EFNA5: variants seen among roughly 807,000 people sequenced by gnomAD.
EFNA5 encodes ephrin A5.
A neutral mutation model predicts 22.9 loss-of-function variants in EFNA5; 5 were observed. That is an observed-to-expected ratio of 0.22 (90% CI 0.11 to 0.46). The LOEUF is 0.46. Ranked by LOEUF, EFNA5 falls within the 20% of genes least tolerant of loss-of-function variation. The probability of loss-of-function intolerance (pLI) is 0.99; values close to 1 mark genes in which losing one functional copy is unlikely to be tolerated. For missense variants in EFNA5, 237 were observed against 293.3 expected, an observed-to-expected ratio of 0.81 and a Z score of 1.40; for synonymous variants, 113 against 112.2, an observed-to-expected ratio of 1.01 and a Z score of -0.04.
At chr5:107,467,900 C>A (rs938569423) in intron 1 of EFNA5, among the ~76,000 whole-genome samples, 1 of 152,162 alleles carries the variant, frequency 6.6e-6, no homozygotes, top group Non-Finnish European at 1.5e-5. Context: ...AGGCTACATA[C>A]ATGTGGACAT....
chr5:107,604,402 G>A (rs1011799482), intron 1 of EFNA5, among the ~76,000 whole-genome samples: 2 of 152,026 alleles, frequency 1.3e-5, no homozygotes, highest in Non-Finnish European at 2.9e-5. Flanking sequence ...GAGCACATTG[G>A]TTGTGTGGCT....
At chr5:107,428,312 T>C (rs1748858974) in intron 1 of EFNA5, among the ~76,000 whole-genome samples, 1 of 152,228 alleles carries the variant, frequency 6.6e-6, no homozygotes. Context: ...ACAGGTCATG[T>C]TCTAGAGCTG....
chr5:107,403,640 C>T (rs916674505), intron 2 of EFNA5, among the ~76,000 whole-genome samples: 1 of 152,102 alleles, frequency 6.6e-6, no homozygotes, highest in African/African-American at 2.4e-5. Context: ...TGTCCTTTGC[C>T]GCATATTGAA....
At position 107,536,934 on chromosome 5, in the gene EFNA5, G is replaced by A. The variant is rs141380504; in HGVS notation, c.126-109425C>T. 5.8e-3 allele frequency among the ~76,000 whole-genome samples: 888 copies of A among 151,958 alleles called. 9 individuals carry two copies. Among genetic ancestry groups the A allele is most frequent in the South Asian group, 0.013 (62 of 4,800 alleles). On this transcript the variant is annotated intron_variant, in intron 1 of 4. Transcript: ENST00000333274. ...ATCCTGACTAATATGGTGAAACCCT[G>A]TCTCTACTAACAATATAAAAATTAG... is the stretch of plus-strand genomic sequence containing the variant.
At chr5:107,506,322 C>T (rs1158220566) in intron 1 of EFNA5, 1 of 152,130 alleles carries the variant, frequency 6.6e-6, no homozygotes, top group African/African-American at 2.4e-5. Context: ...AGTAAACATC[C>T]AGTAGAGTAA....
intron 1 of EFNA5, among the ~76,000 whole-genome samples, chr5:107,532,337 T>C (rs979030779): frequency 1.3e-5 from 2 of 152,200 alleles, no homozygotes; most frequent in African/African-American, 4.8e-5. Flanking sequence ...ATGACCTCAT[T>C]AATAGTTAAA....
At chr5:107,605,982 C>A (rs1028768796) in intron 1 of EFNA5, among the ~76,000 whole-genome samples, 4 of 152,178 alleles carry the variant, frequency 2.6e-5, no homozygotes, top group Admixed American at 6.5e-5. Context: ...TCACTCAGGT[C>A]ACTTCAAGGT....
chr5:107,616,703 G>A (rs1213512177), intron 1 of EFNA5, among the ~76,000 whole-genome samples: 10 of 152,112 alleles, frequency 6.6e-5, no homozygotes, highest in Non-Finnish European at 1.5e-4. Context: ...ATTATAACAA[G>A]TATCTGAACA....
chr5:107,394,128 T>A (rs1747858024), intron 2 of EFNA5, among the ~76,000 whole-genome samples: 1 of 152,218 alleles, frequency 6.6e-6, no homozygotes, highest in South Asian at 2.1e-4. Flanking sequence ...ATGAAATACA[T>A]CTCACTCATT....
rs541175032 is a variant in EFNA5, at chr5:107,449,166, A to G, written c.126-21657T>C. The stretch of plus-strand genomic sequence containing the variant: ...ACTGAATTATTTCAGAAGCCAAATG[A>G]TACGATTTAGTGGAACACTGAGACT... On this transcript the variant is annotated intron_variant, in intron 1 of 4. Coordinates refer to ENST00000333274, the MANE Select transcript of EFNA5 (RefSeq NM_001962.3). Among the ~76,000 whole-genome samples, 173 of 152,294 alleles carry G rather than the reference A, an allele frequency of 1.1e-3. 1 individual carries two copies. The highest frequency in any genetic ancestry group is 3.3e-3 in the African/African-American group (137 of 41,558).
At chr5:107,531,246 T>C (rs542392947) in intron 1 of EFNA5, among the ~76,000 whole-genome samples, 412 of 152,290 alleles carry the variant, frequency 2.7e-3, no homozygotes, top group Non-Finnish European at 4.9e-3. Flanking sequence ...AAGCCCTAGG[T>C]AGACTTAGCT....
intron 1 of EFNA5, among the ~76,000 whole-genome samples, chr5:107,597,797 AT>A (rs2112509495): frequency 6.6e-6 from 1 of 152,256 alleles, no homozygotes; most frequent in South Asian, 2.1e-4. Flanking sequence ...TATATATTCA[AT>A]TTTTACAAGC....
At chr5:107,647,311 G>A (rs1750647935) in intron 1 of EFNA5, among the ~76,000 whole-genome samples, 1 of 151,534 alleles carries the variant, frequency 6.6e-6, no homozygotes, top group African/African-American at 2.4e-5. Flanking sequence ...ATGCATCGTG[G>A]GTATAACTGT....
At chr5:107,569,415 TTATG>T (rs1400235171) in intron 1 of EFNA5, among the ~76,000 whole-genome samples, 1 of 144,096 alleles carries the variant, frequency 6.9e-6, no homozygotes, top group Non-Finnish European at 1.5e-5. Flanking sequence ...ATATATATAT[TTATG>T]TATATGTGTG....
chr5:107,531,227 C>G (rs1306718194), intron 1 of EFNA5, among the ~76,000 whole-genome samples: 1 of 152,206 alleles, frequency 6.6e-6, no homozygotes, highest in Non-Finnish European at 1.5e-5. Context: ...TGACACACAG[C>G]TGCCTCTCAA....
intron 4 of EFNA5, among the ~76,000 whole-genome samples, chr5:107,386,254 G>T (rs1304691429): frequency 1.3e-5 from 2 of 151,990 alleles, no homozygotes; most frequent in East Asian, 1.9e-4. Flanking sequence ...ATGATCAAGG[G>T]AGATGGGTAA....
At chr5:107,657,913 C>G (rs1216112597) in intron 1 of EFNA5, among the ~76,000 whole-genome samples, 1 of 152,064 alleles carries the variant, frequency 6.6e-6, no homozygotes, top group African/African-American at 2.4e-5. Context: ...TAGTTCCATT[C>G]CTTACTTGTT....
intron 1 of EFNA5, among the ~76,000 whole-genome samples, chr5:107,612,484 T>C (rs957016159): frequency 6.6e-6 from 1 of 152,086 alleles, no homozygotes; most frequent in African/African-American, 2.4e-5. Context: ...TAAAAATTCT[T>C]TTTAAAATAT....
rs746307081 is a variant in EFNA5 at position 107,661,114 on chromosome 5, T to TA, written c.125+9374dup. ...AAAACCACTGCTTTCATCTGTCTGT[T>TA]AAAAAAAAAAAAAAGAAGAAGAAGA... On this transcript the variant is annotated intron_variant, in intron 1 of 4. Transcript: ENST00000333274. 9.4e-3 allele frequency among the ~76,000 whole-genome samples: 1,222 copies of TA among 130,158 alleles called. 5 individuals are homozygous for TA. Among genetic ancestry groups the TA allele is most frequent in the Admixed American group, 0.014 (170 of 12,352 alleles). 85.4% of individuals were successfully genotyped at this position (130,158 alleles called of 152,430 possible).
Sources: gnomAD v4.1 joint callset for allele counts (sites outside exome capture counted in the v4.1 genomes callset) on GRCh38, gnomAD v4.1.1 for gene constraint, MANE v1.5 for transcripts, NCBI Gene and HGNC (gene_info 2026-07-23, HGNC 2026-07-21) for gene names.